Variants in TMEM132C observed in about 807,000 individuals in gnomAD.
The protein encoded by TMEM132C is protein phosphatase 1, regulatory subunit 152.
Under a neutral mutation model 61.4 loss-of-function variants are expected in TMEM132C, and 29 were observed. The observed-to-expected ratio is 0.47, with a 90% CI of 0.35 to 0.64. The LOEUF (loss-of-function observed/expected upper bound fraction) is 0.64. TMEM132C is among the 30% of genes least tolerant of loss of function. The pLI is 0.00. For synonymous variants in TMEM132C, 656 were observed against 633.1 expected (o/e 1.04, Z -0.54); for missense variants, 1,408 against 1,476.9 (o/e 0.95, Z 0.76).
intron 8 of TMEM132C, among the ~76,000 whole-genome samples, chr12:128,704,414 C>T (rs532427660): frequency 3.3e-5 from 5 of 152,248 alleles, no homozygotes; most frequent in South Asian, 2.1e-4. Flanking sequence ...ACAATTGAAC[C>T]GGGCCCACCA....
chr12:128,446,653 T>G (rs531621296), intron 2 of TMEM132C, among the ~76,000 whole-genome samples: 1 of 152,350 alleles, frequency 6.6e-6, no homozygotes, highest in Admixed American at 6.5e-5. Context: ...CTCTAAATTC[T>G]GAGGCTGTCT....
chr12:128,494,434 C>T (rs1443617026), intron 2 of TMEM132C, among the ~76,000 whole-genome samples: 1 of 152,172 alleles, frequency 6.6e-6, no homozygotes, highest in Admixed American at 6.5e-5. Context: ...ACCAGTTCCT[C>T]CTTGTACCTC....
At chr12:128,647,022 T>C (rs1954207477) in intron 4 of TMEM132C, among the ~76,000 whole-genome samples, 1 of 152,018 alleles carries the variant, frequency 6.6e-6, no homozygotes, top group Admixed American at 6.6e-5. Flanking sequence ...CTGGAGTCCA[T>C]CAGCGTTGGA....
At chr12:128,618,485 T>G (rs1215472799) in intron 4 of TMEM132C, among the ~76,000 whole-genome samples, 1 of 152,160 alleles carries the variant, frequency 6.6e-6, no homozygotes, top group Non-Finnish European at 1.5e-5. Flanking sequence ...AACACTGGAT[T>G]TGGGTGCTCG....
intron 2 of TMEM132C, among the ~76,000 whole-genome samples, chr12:128,543,419 G>A (rs181223625): frequency 6.6e-6 from 1 of 152,290 alleles, no homozygotes; most frequent in African/African-American, 2.4e-5. Flanking sequence ...TGAAACTGGG[G>A]TATGAACCCA....
intron 3 of TMEM132C, among the ~76,000 whole-genome samples, chr12:128,561,021 T>C (rs932685415): frequency 6.6e-6 from 1 of 152,206 alleles, no homozygotes; most frequent in African/African-American, 2.4e-5. Flanking sequence ...CGCAAGGTTT[T>C]GGAAGGGAAA....
intron 1 of TMEM132C, among the ~76,000 whole-genome samples, chr12:128,322,544 C>A (rs1403653034): frequency 6.6e-6 from 1 of 152,162 alleles, no homozygotes; most frequent in Non-Finnish European, 1.5e-5. Flanking sequence ...TGCTGGACAG[C>A]AAAAAACAAC....
rs561084311 is a variant in TMEM132C, at chr12:128,359,014, C to G, written c.86-55718C>G. 7.2e-5 allele frequency among the ~76,000 whole-genome samples: 11 copies of G among 152,234 alleles called. No homozygotes were observed. In the East Asian group the frequency reaches 2.1e-3, roughly 30 times the overall value. On this transcript the variant is annotated intron_variant, in intron 1 of 8. Transcript: ENST00000435159. ...ACTGCACATCAACACATCCAGTGCT[C>G]CCAGCAGCAAGAGAGGTAATAGTAT...
In TMEM132C at chr12:128,409,510, A is replaced by G. The variant is rs1422775484; in HGVS notation, c.86-5222A>G. Among the ~76,000 whole-genome samples, 6 of 152,154 alleles carry G rather than the reference A, an allele frequency of 3.9e-5. 1 individual carries two copies. Among genetic ancestry groups the G allele is most frequent in the African/African-American group, 1.4e-4 (6 of 41,436 alleles). On this transcript the variant is annotated intron_variant, in intron 1 of 8. Transcript: ENST00000435159. ...CATCACCATGGGGGGAGAAATCCCAAATGTTTCCAGTTCCTCCCATCTTCA... is the reference window on the plus strand; with the variant it reads ...CATCACCATGGGGGGAGAAATCCCAGATGTTTCCAGTTCCTCCCATCTTCA...
chr12:128,323,276 T>C (rs1040716548), intron 1 of TMEM132C, among the ~76,000 whole-genome samples: 8 of 152,228 alleles, frequency 5.3e-5, no homozygotes, highest in Non-Finnish European at 8.8e-5. Flanking sequence ...TTCCTGAGCC[T>C]GGACTGATGG....
intron 1 of TMEM132C, among the ~76,000 whole-genome samples, chr12:128,331,913 A>G (rs1252602334): frequency 6.6e-6 from 1 of 152,218 alleles, no homozygotes; most frequent in African/African-American, 2.4e-5. Context: ...CACAAGCAAC[A>G]AAGTTGCTTC....
chr12:128,309,458 A>G (rs764192071), intron 1 of TMEM132C, among the ~76,000 whole-genome samples: 1 of 152,164 alleles, frequency 6.6e-6, no homozygotes, highest in Non-Finnish European at 1.5e-5. Flanking sequence ...AATGGTGTGC[A>G]ACCATCACAT....
intron 1 of TMEM132C, among the ~76,000 whole-genome samples, chr12:128,290,244 G>C (rs1278021738): frequency 6.6e-6 from 1 of 152,146 alleles, no homozygotes; most frequent in Admixed American, 6.5e-5. Flanking sequence ...TTGACTCACA[G>C]TTCTGCAGGC....
rs1566020691 is a variant in TMEM132C, at chr12:128,705,689, GC to G, written c.2722del (p.Leu908TrpfsTer13). The part of the protein sequence containing the change: ...HVDLPKAGSG[L>X]EENDLVQTPR... ...TGGACCTCCCCAAGGCCGGGAGTGG[GC>G]TGGAGGAAAACGACCTGGTGCAGAC... is the stretch of plus-strand genomic sequence containing the variant. On this transcript the variant is annotated frameshift_variant, in exon 9 of 9. Transcript: ENST00000435159. LOFTEE classifies it low-confidence loss of function (END_TRUNC). 6.4e-7 allele frequency: 1 copy of G among 1,551,462 alleles called. No individual in the cohort carries two copies. The highest frequency in any genetic ancestry group is 8.7e-7 in the Non-Finnish European group (1 of 1,146,966).
At chr12:128,300,861 G>A (rs950896032) in intron 1 of TMEM132C, among the ~76,000 whole-genome samples, 1 of 152,056 alleles carries the variant, frequency 6.6e-6, no homozygotes, top group African/African-American at 2.4e-5. Flanking sequence ...AACATAGGGG[G>A]ACCCCACCTC....
intron 3 of TMEM132C, among the ~76,000 whole-genome samples, chr12:128,586,488 G>T (rs752736086): frequency 4.3e-4 from 66 of 152,044 alleles, no homozygotes; most frequent in Non-Finnish European, 7.8e-4. Context: ...TGGTTAGAAG[G>T]ATTATTAACT....
At chr12:128,321,931 G>C (rs780798252) in intron 1 of TMEM132C, among the ~76,000 whole-genome samples, 1 of 152,272 alleles carries the variant, frequency 6.6e-6, no homozygotes, top group African/African-American at 2.4e-5. Context: ...AGACCCTAAG[G>C]CTTGTGTGGT....
intron 2 of TMEM132C, among the ~76,000 whole-genome samples, chr12:128,433,714 A>G (rs979738374): frequency 6.6e-6 from 1 of 152,142 alleles, no homozygotes; most frequent in Non-Finnish European, 1.5e-5. Flanking sequence ...AATTTGGAAA[A>G]TCAGAAAGGA....
intron 2 of TMEM132C, among the ~76,000 whole-genome samples, chr12:128,472,938 T>C (rs1184557870): frequency 2.6e-5 from 4 of 152,200 alleles, no homozygotes; most frequent in Admixed American, 1.3e-4. Context: ...CAAAATGTAG[T>C]GGCTTAAAAC....
Sources: gnomAD v4.1 joint callset for allele counts (sites outside exome capture counted in the v4.1 genomes callset) on GRCh38, gnomAD v4.1.1 for gene constraint, MANE v1.5 for transcripts, NCBI Gene and HGNC (gene_info 2026-07-23, HGNC 2026-07-21) for gene names.